CTRB1: variants seen among roughly 807,000 people sequenced by gnomAD.
CTRB1 encodes chymotrypsinogen B.
A neutral mutation model predicts 20.4 loss-of-function variants in CTRB1; 15 were observed. The observed-to-expected ratio is 0.74, with a 90% CI of 0.49 to 1.13. The LOEUF (loss-of-function observed/expected upper bound fraction) is 1.13, where lower values mean the gene tolerates loss of function less well. CTRB1 is among the 50% of genes most tolerant of loss of function. CTRB1 has a pLI of 0.00. For missense variants in CTRB1, 227 were observed against 290.1 expected (o/e 0.78, Z 1.58); for synonymous variants, 92 against 128.4 (o/e 0.72, Z 1.92).
intron 1 of CTRB1, among the ~76,000 whole-genome samples, chr16:75,220,463 C>T (rs1430986708): frequency 3.3e-5 from 5 of 152,168 alleles, no homozygotes; most frequent in Non-Finnish European, 7.4e-5. Flanking sequence ...GGATTACAGG[C>T]GTGAGCCCCC....
chr16:75,219,201 G>A (rs750151344), intron 1 of CTRB1, 142 bp downstream of exon 1: 18 of 793,354 alleles, frequency 2.3e-5, no homozygotes, highest in East Asian at 1.1e-4. Context: ...GCATTCTGGG[G>A]CTTTCTGAGC....
chr16:75,223,549 GT>G lies in CTRB1; in HGVS notation c.418del (p.Cys140AlafsTer58). On this transcript the variant is annotated frameshift_variant, in exon 5 of 7. Coordinates refer to ENST00000361017, the MANE Select transcript of CTRB1 (RefSeq NM_001906.6). LOFTEE classifies it high-confidence loss of function. Reference sequence around the variant, plus strand: ...GCTTCTCCCAGACAGTGTCCGCCGTGTGCCTGCCCAGCGCCGACGACGACTT... The same window carrying G: ...GCTTCTCCCAGACAGTGTCCGCCGTGGCCTGCCCAGCGCCGACGACGACTT... Reference protein sequence around the residue: ...ARFSQTVSAVCLPSADDDFPA... With the variant: ...ARFSQTVSAVXLPSADDDFPA... The G allele has an allele frequency of 1.5e-6, 1 of 659,294 alleles. No homozygotes were observed. The highest frequency in any genetic ancestry group is 3.0e-5 in the East Asian group (1 of 33,018). 40.8% of individuals were successfully genotyped at this position (659,294 alleles called of 1,614,324 possible). A position where few individuals can be genotyped will look rare whatever the true frequency, so the allele number is the denominator to read the frequency against.
At chr16:75,219,128 C>G in intron 1 of CTRB1, 69 bp downstream of exon 1, 1 of 1,499,170 alleles carries the variant, frequency 6.7e-7, no homozygotes, top group Non-Finnish European at 9.0e-7. Flanking sequence ...GGATCTGAGT[C>G]CCCTGCTCTG....
At chr16:75,224,596 T>C in intron 6 of CTRB1, 109 bp from the exon 7 acceptor site, 1 of 1,281,470 alleles carries the variant, frequency 7.8e-7, no homozygotes, top group South Asian at 1.4e-5. Flanking sequence ...ATGCTGAGCC[T>C]TTGCTGTGTG....
chr16:75,222,478 C>T, intron 1 of CTRB1: 1 of 502,526 alleles, frequency 2.0e-6, no homozygotes, highest in Non-Finnish European at 3.5e-6. Context: ...AGGCTGAGCC[C>T]AGGCAGTCTT....
Position 75,224,779 on chromosome 16 carries a change from C to T in CTRB1, c.705C>T (p.Ser235=), listed in dbSNP as rs752025314. The T allele has an allele frequency of 1.9e-5, 30 of 1,613,768 alleles. No individual in the cohort carries two copies. The highest frequency in any genetic ancestry group is 1.7e-4 in the Admixed American group (10 of 59,996). ...WTLVGIVSWG[S]DTCSTSSPGV... is the part of the protein sequence containing the mutation. ...TGGTGGGCATTGTGTCCTGGGGCAG[C>T]GACACCTGCTCCACCTCCAGCCCTG... Residue 235 remains serine, a synonymous_variant, in exon 7 of 7, where the codon AGC becomes AGT. Coordinates refer to ENST00000361017, the MANE Select transcript of CTRB1 (RefSeq NM_001906.6).
intron 1 of CTRB1, among the ~76,000 whole-genome samples, chr16:75,219,292 G>A (rs1359213453): frequency 6.6e-6 from 1 of 152,194 alleles, no homozygotes; most frequent in East Asian, 1.9e-4. Flanking sequence ...CTGGGGTGGG[G>A]GTGCCTTGTG....
Position 75,222,770 on chromosome 16 carries a change from T to A in CTRB1, c.55T>A (p.Cys19Ser). 6.4e-7 allele frequency: 1 copy of A among 1,557,086 alleles called. No homozygotes were observed. The highest frequency in any genetic ancestry group is 8.7e-7 in the Non-Finnish European group (1 of 1,149,710). ...TTATTCACCCCACTCCCCCCCAGGC[T>A]GCGGGGTCCCCGCCATCCACCCTGT... ...CFSLVGAAFG[C>S]GVPAIHPVLS... Residue 19 changes from cysteine to serine, a missense_variant and splice_region_variant, in exon 2 of 7, where the codon TGC (cysteine) becomes AGC (serine). Cys to Ser is a moderately radical substitution (Grantham distance 112, BLOSUM62 -1). Transcript: ENST00000361017.
At chr16:75,222,064 GAAAA>G (rs71158588) in intron 1 of CTRB1, among the ~76,000 whole-genome samples, 18,271 of 108,396 alleles carry the variant, frequency 0.17, 1,251 homozygotes, top group East Asian at 0.32. Flanking sequence ...GTCTCAAAAA[GAAAA>G]AAAAAAAAAA....
intron 1 of CTRB1, among the ~76,000 whole-genome samples, chr16:75,222,299 G>A (rs2039098426): frequency 6.6e-6 from 1 of 152,136 alleles, no homozygotes; most frequent in African/African-American, 2.4e-5. Flanking sequence ...TGGTGGACTT[G>A]GGGTTATCAG....
In CTRB1 at chr16:75,224,123, T is replaced by G; in HGVS notation, c.565T>G (p.Ser189Ala). The G allele has an allele frequency of 1.4e-6, 2 of 1,419,010 alleles. No homozygotes were observed. Among genetic ancestry groups the G allele is most frequent in the Non-Finnish European group, 1.9e-6 (2 of 1,041,296 alleles). The allele number at this position is 1,419,010 out of a possible 1,614,324, so 87.9% of individuals were successfully genotyped here. Residue 189 changes from serine to alanine, a missense_variant, in exon 6 of 7, where the codon TCC becomes GCC. Coordinates refer to ENST00000361017, the MANE Select transcript of CTRB1 (RefSeq NM_001906.6). The part of the protein sequence containing the change: ...PLLSNAECKK[S>A]WGRRITDVMI... ...CCTGTCCAATGCCGAATGCAAGAAG[T>G]CCTGGGGCAGGAGGATCACCGACGT...
At chr16:75,219,142 C>G in intron 1 of CTRB1, 83 bp downstream of exon 1, 9 of 1,427,164 alleles carry the variant, frequency 6.3e-6, no homozygotes, top group South Asian at 1.2e-5. Context: ...TGCTCTGCCC[C>G]CTGGGGCCTC....
At chr16:75,223,944 C>T (rs1323343509) in intron 5 of CTRB1, 111 bp from the exon 6 acceptor site, 1 of 411,722 alleles carries the variant, frequency 2.4e-6, no homozygotes. Context: ...AGGGGCCGTA[C>T]CCAACATCGT....
At chr16:75,224,348 C>A (rs925877974) in intron 6 of CTRB1, among the ~76,000 whole-genome samples, 160 bp downstream of exon 6, 1 of 152,244 alleles carries the variant, frequency 6.6e-6, no homozygotes, top group Non-Finnish European at 1.5e-5. Flanking sequence ...GCCAATGGCT[C>A]TTGGAGTTGT....
In CTRB1 at chr16:75,224,807, G is replaced by T; in HGVS notation, c.733G>T (p.Val245Leu). The T allele has an allele frequency of 6.2e-7, 1 of 1,613,976 alleles. No homozygotes were observed. Among genetic ancestry groups the T allele is most frequent in the South Asian group, 1.1e-5 (1 of 91,088 alleles). ...CACCTGCTCCACCTCCAGCCCTGGC[G>T]TGTACGCCCGTGTCACCAAGCTCAT... The part of the protein sequence containing the change: ...SDTCSTSSPG[V>L]YARVTKLIPW... Residue 245 changes from valine (V) to leucine (L), a missense_variant, in exon 7 of 7, where the codon GTG becomes TTG. Physicochemically the swap from Val to Leu is conservative, Grantham distance 32. This residue lies in a region of CTRB1 where 108 missense variants were observed against 76.9 expected (regional missense o/e 1.41). Coordinates refer to ENST00000361017, the MANE Select transcript of CTRB1 (RefSeq NM_001906.6).
intron 1 of CTRB1, among the ~76,000 whole-genome samples, chr16:75,220,646 C>T (rs761892140): frequency 6.6e-6 from 1 of 152,216 alleles, no homozygotes; most frequent in Non-Finnish European, 1.5e-5. Flanking sequence ...GTGCTTTTTC[C>T]CTACTCAAAT....
chr16:75,222,580 C>A, intron 1 of CTRB1, 188 bp from the exon 2 acceptor site: 5 of 627,902 alleles, frequency 8.0e-6, no homozygotes, highest in Non-Finnish European at 1.1e-5. Flanking sequence ...TGACTGGAGC[C>A]AGCAGGCCGA....
chr16:75,221,661 A>G (rs2039086964), intron 1 of CTRB1, among the ~76,000 whole-genome samples: 1 of 152,052 alleles, frequency 6.6e-6, no homozygotes, highest in African/African-American at 2.4e-5. Context: ...TGCTGGCCAA[A>G]GTCCAGTTTT....
chr16:75,224,716 C>CG lies in CTRB1; in HGVS notation c.644dup (p.Leu217ProfsTer63), dbSNP rs772143873. 3.1e-6 allele frequency: 5 copies of CG among 1,609,810 alleles called. No homozygotes were observed. The highest frequency in any genetic ancestry group is 4.2e-6 in the Non-Finnish European group (5 of 1,178,496). ...TCCCTCTCCCACAGGGCGACTCTGG[C>CG]GGCCCCCTGGTCTGCCAAAAGGATG... On this transcript the variant is annotated frameshift_variant, in exon 7 of 7. Transcript: ENST00000361017. LOFTEE classifies it low-confidence loss of function (END_TRUNC).
Sources: allele counts gnomAD v4.1 joint callset (sites outside exome capture counted in the v4.1 genomes callset), GRCh38; gene constraint gnomAD v4.1.1; regional missense constraint gnomAD v4.1.1; transcripts MANE v1.5; gene names NCBI Gene and HGNC (gene_info 2026-07-23, HGNC 2026-07-21).